Variants in ZNF248 observed in about 807,000 individuals in gnomAD.
ZNF248 encodes zinc finger protein 248.
In ZNF248, 20 loss-of-function variants were observed where a neutral mutation model predicts 44.3. That is an observed-to-expected ratio of 0.45 (90% confidence interval 0.32 to 0.66). The LOEUF (loss-of-function observed/expected upper bound fraction) is 0.66. Among genes scored for constraint, ZNF248 ranks in the 30% least tolerant of loss-of-function variants. The probability of loss-of-function intolerance (pLI) is 0.04; values close to 1 mark genes in which losing one functional copy is unlikely to be tolerated. For synonymous variants in ZNF248, 224 were observed against 229.0 expected (o/e 0.98, Z 0.20); for missense variants, 654 against 677.0 (o/e 0.97, Z 0.38).
intron 3 of ZNF248, among the ~76,000 whole-genome samples, chr10:37,847,168 TG>T (rs1400226369): frequency 6.6e-6 from 1 of 152,196 alleles, no homozygotes; most frequent in Non-Finnish European, 1.5e-5. Flanking sequence ...CCTGAGTAGC[TG>T]GGTGTGAGCC....
At chr10:37,770,875 G>T in the ZNF248 span, among the ~76,000 whole-genome samples, 1 of 152,150 alleles carries the variant, frequency 6.6e-6, no homozygotes, top group Non-Finnish European at 1.5e-5. Context: ...CTACTCATCT[G>T]ACAAAGGGCT....
At chr10:37,802,109 T>C (rs1589222064) in intron 6 of ZNF248, among the ~76,000 whole-genome samples, 1 of 152,322 alleles carries the variant, frequency 6.6e-6, no homozygotes, top group East Asian at 1.9e-4. Context: ...TTCCCTGATG[T>C]TGAGTTTTAT....
intron 6 of ZNF248, among the ~76,000 whole-genome samples, chr10:37,788,807 A>G (rs1299543777): frequency 6.6e-6 from 1 of 152,172 alleles, no homozygotes; most frequent in Non-Finnish European, 1.5e-5. Context: ...TGAAACTAAA[A>G]CAATCATTTT....
intron 6 of ZNF248, among the ~76,000 whole-genome samples, chr10:37,814,936 C>T (rs1297382138): frequency 6.6e-6 from 1 of 152,160 alleles, no homozygotes; most frequent in African/African-American, 2.4e-5. Flanking sequence ...TATATTTCAT[C>T]AAATTTTAAA....
intron 6 of ZNF248, chr10:37,819,434 T>C (rs550745360): frequency 3.2e-6 from 5 of 1,574,446 alleles, no homozygotes; most frequent in Non-Finnish European, 2.6e-6. Flanking sequence ...CCAGTTTTTA[T>C]TTAACTGGTG....
At chr10:37,818,305 C>T (rs2052878395) in intron 6 of ZNF248, among the ~76,000 whole-genome samples, 1 of 152,136 alleles carries the variant, frequency 6.6e-6, no homozygotes, top group Admixed American at 6.6e-5. Flanking sequence ...GTTCACAGTA[C>T]ATGGAACCAG....
the ZNF248 span, among the ~76,000 whole-genome samples, chr10:37,769,798 A>T: frequency 6.6e-6 from 1 of 152,162 alleles, no homozygotes; most frequent in Admixed American, 6.5e-5. Context: ...GAAGAAAATA[A>T]AGGGTATTCA....
intron 6 of ZNF248, among the ~76,000 whole-genome samples, chr10:37,779,857 T>C (rs12769605): frequency 1.5e-3 from 222 of 148,910 alleles, no homozygotes; most frequent in Middle Eastern, 0.015. Context: ...CACAAGCATT[T>C]TTATACACCA....
intron 6 of ZNF248, among the ~76,000 whole-genome samples, chr10:37,780,894 C>A (rs571647806): frequency 1.3e-4 from 20 of 152,122 alleles, no homozygotes; most frequent in Admixed American, 6.5e-4. Context: ...GGTTCCGGGG[C>A]GTCTCTGCAA....
the ZNF248 span, among the ~76,000 whole-genome samples, chr10:37,767,558 A>C: frequency 3.9e-4 from 60 of 152,208 alleles, no homozygotes; most frequent in Non-Finnish European, 2.9e-5. Flanking sequence ...AAAATACTTT[A>C]CAGACAAGTA....
chr10:37,835,127 T>C (rs1432850696), intron 5 of ZNF248, among the ~76,000 whole-genome samples: 1 of 146,052 alleles, frequency 6.8e-6, no homozygotes, highest in Non-Finnish European at 1.5e-5. Context: ...TAATTTAGGC[T>C]AAAAAAAAAG....
intron 6 of ZNF248, chr10:37,802,719 T>G (rs2049977913): frequency 6.6e-6 from 1 of 152,140 alleles, no homozygotes; most frequent in Non-Finnish European, 1.5e-5. Flanking sequence ...CAGACGCAGG[T>G]GCTTTAGTTG....
intron 6 of ZNF248, among the ~76,000 whole-genome samples, chr10:37,822,154 G>C (rs1391926019): frequency 6.6e-6 from 1 of 152,142 alleles, no homozygotes. Flanking sequence ...TAATAAGTTG[G>C]TGCTGCTCAA....
At chr10:37,766,627 G>A in the ZNF248 span, among the ~76,000 whole-genome samples, 1 of 152,148 alleles carries the variant, frequency 6.6e-6, no homozygotes, top group Non-Finnish European at 1.5e-5. Context: ...CCTTCTGTAT[G>A]TCACCATCAT....
Position 37,856,350 on chromosome 10 carries a change from A to G in ZNF248, c.-27-13T>C. ...GGAGGAAGGAGAGCTGAAGGATTAG[A>G]AAGGAAGAATGTCAGGAGAGCCTTC... On this transcript the variant is annotated splice_polypyrimidine_tract_variant and intron_variant, in intron 2 of 5. Transcript: ENST00000395867. The G allele has an allele frequency of 6.2e-7, 1 of 1,613,358 alleles. No individual in the cohort carries two copies. The highest frequency in any genetic ancestry group is 8.5e-7 in the Non-Finnish European group (1 of 1,179,724).
At chr10:37,844,687 T>C (rs547553601) in intron 3 of ZNF248, among the ~76,000 whole-genome samples, 4 of 152,162 alleles carry the variant, frequency 2.6e-5, no homozygotes, top group African/African-American at 9.7e-5. Context: ...ATGTGGAATG[T>C]TCATTGTTAA....
chr10:37,845,598 A>C (rs1262635025), intron 3 of ZNF248, among the ~76,000 whole-genome samples: 1 of 152,190 alleles, frequency 6.6e-6, no homozygotes, highest in Non-Finnish European at 1.5e-5. Flanking sequence ...AAAGTTTAAG[A>C]TTTTGGAAAT....
chr10:37,850,460 T>G (rs2060036380), intron 3 of ZNF248, among the ~76,000 whole-genome samples: 1 of 152,126 alleles, frequency 6.6e-6, no homozygotes, highest in African/African-American at 2.4e-5. Flanking sequence ...AAAACTTATA[T>G]AAAAGGCATA....
chr10:37,820,428 T>A lies in ZNF248; in HGVS notation c.330+12597A>T, dbSNP rs1292940283. 8 of 1,556,346 alleles carry A rather than the reference T, an allele frequency of 5.1e-6. No homozygotes were observed. In the East Asian group the frequency reaches 1.8e-4, roughly 35 times the overall value. ...GTTGGCAGAGCAGACTGCTCCTCCG[T>A]TGCCTCCTTTGCAGTGCTGCCATCT... is the stretch of plus-strand genomic sequence containing the variant. On this transcript the variant is annotated intron_variant, in intron 6 of 6. Coordinates refer to the ZNF248 transcript ENST00000615949.
Sources: allele counts gnomAD v4.1 joint callset (sites outside exome capture counted in the v4.1 genomes callset), GRCh38; gene constraint gnomAD v4.1.1; transcripts MANE v1.5; gene names NCBI Gene and HGNC (gene_info 2026-07-23, HGNC 2026-07-21).